Variants in CFAP20DC observed in about 807,000 individuals in gnomAD.
The protein encoded by CFAP20DC is protein CFAP20DC.
A neutral mutation model predicts 101.7 loss-of-function variants in CFAP20DC; 84 were observed. The ratio of observed to expected loss-of-function variants is 0.83; its 90% CI spans 0.69 to 0.99. The LOEUF (loss-of-function observed/expected upper bound fraction) is 0.99, where lower values mean the gene tolerates loss of function less well. Among genes scored for constraint, CFAP20DC ranks in the 50% least tolerant of loss-of-function variants. The probability of loss-of-function intolerance (pLI) is 0.00; values close to 1 mark genes in which losing one functional copy is unlikely to be tolerated. For missense variants in CFAP20DC, 1,007 were observed against 970.3 expected (o/e 1.04, Z -0.50); for synonymous variants, 359 against 351.2 (o/e 1.02, Z -0.25).
intron 4 of CFAP20DC, among the ~76,000 whole-genome samples, chr3:58,969,161 C>T (rs2091788518): frequency 6.6e-6 from 1 of 152,006 alleles, no homozygotes; most frequent in Non-Finnish European, 1.5e-5. Flanking sequence ...CTTTGTTCTT[C>T]TTGCTTAGTA....
At chr3:58,782,380 G>C (rs1408437171) in intron 15 of CFAP20DC, among the ~76,000 whole-genome samples, 1 of 151,976 alleles carries the variant, frequency 6.6e-6, no homozygotes, top group African/African-American at 2.4e-5. Context: ...AACAAGACAA[G>C]GATGCCCACT....
intron 15 of CFAP20DC, among the ~76,000 whole-genome samples, chr3:58,780,440 G>A (rs996739920): frequency 6.6e-6 from 1 of 151,982 alleles, no homozygotes; most frequent in Non-Finnish European, 1.5e-5. Context: ...GCCCACATGT[G>A]TCAGTAATAA....
At chr3:58,918,257 G>C (rs996587669) in intron 5 of CFAP20DC, among the ~76,000 whole-genome samples, 9 of 152,160 alleles carry the variant, frequency 5.9e-5, no homozygotes, top group Non-Finnish European at 8.8e-5. Context: ...CAGTGGGAGA[G>C]GGTGTACGTT....
chr3:58,919,617 T>G (rs567285157), intron 5 of CFAP20DC, among the ~76,000 whole-genome samples: 1 of 152,196 alleles, frequency 6.6e-6, no homozygotes, highest in African/African-American at 2.4e-5. Context: ...AACAAACAAA[T>G]AGTCTTGCAA....
At chr3:58,840,513 T>C (rs1304411160) in intron 13 of CFAP20DC, among the ~76,000 whole-genome samples, 2 of 152,212 alleles carry the variant, frequency 1.3e-5, no homozygotes, top group Admixed American at 1.3e-4. Flanking sequence ...AGGTTATCCC[T>C]GAGAACATGC....
intron 15 of CFAP20DC, among the ~76,000 whole-genome samples, chr3:58,803,690 C>A (rs1451744087): frequency 6.6e-6 from 1 of 152,142 alleles, no homozygotes; most frequent in Admixed American, 6.6e-5. Context: ...AGCCAAGAGC[C>A]AAGTCACATC....
At chr3:58,966,489 T>TATATATATATAC (rs560664262) in intron 4 of CFAP20DC, among the ~76,000 whole-genome samples, 35 of 116,584 alleles carry the variant, frequency 3.0e-4, no homozygotes, top group African/African-American at 8.9e-4. Context: ...TATATATATA[T>TATATATATATAC]ACACATATGT....
At chr3:58,851,918 T>G (rs1300014187) in intron 12 of CFAP20DC, among the ~76,000 whole-genome samples, 1 of 152,176 alleles carries the variant, frequency 6.6e-6, no homozygotes, top group Non-Finnish European at 1.5e-5. Context: ...GGAGAAAGAC[T>G]GTGGGGAAGC....
Position 58,870,259 on chromosome 3 carries a change from C to A in CFAP20DC, c.766G>T (p.Asp256Tyr). Reference protein sequence around the residue: ...TSITRNSKNQDVCHIAFGSKV... With the variant: ...TSITRNSKNQYVCHIAFGSKV... Reference sequence around the variant, plus strand: ...GATCCAAATGCGATATGACAAACATCTTGATTTTTACTGTTCCGTGTAATA... The same window carrying A: ...GATCCAAATGCGATATGACAAACATATTGATTTTTACTGTTCCGTGTAATA... The change falls in exon 8 of 17, where the codon GAT (aspartate) becomes TAT (tyrosine). Residue 256 changes from aspartate to tyrosine, a missense_variant. By Grantham distance (160) the Asp-to-Tyr change is radical. Transcript: ENST00000482387. The A allele has an allele frequency of 1.2e-6, 2 of 1,614,008 alleles. No individual in the cohort carries two copies. Among genetic ancestry groups the A allele is most frequent in the Non-Finnish European group, 1.7e-6 (2 of 1,179,908 alleles).
chr3:58,864,247 G>A lies in CFAP20DC; in HGVS notation c.1259-355C>T, dbSNP rs373795177. Among the ~76,000 whole-genome samples the A allele has an allele frequency of 2.0e-5, 3 of 152,144 alleles. No homozygotes were observed. The highest frequency in any genetic ancestry group is 6.5e-5 in the Admixed American group (1 of 15,276). On this transcript the variant is annotated intron_variant, in intron 11 of 16. Transcript: ENST00000482387. This position sits in a 1 kb window ranked among gnomAD's most constrained non-coding sequence, Gnocchi z 4.7. The stretch of plus-strand genomic sequence containing the variant: ...GCTGGGATTACAGGCATGAGCCACC[G>A]CGCCTGGCCAAAAGTGTTATTTTAG...
intron 15 of CFAP20DC, among the ~76,000 whole-genome samples, chr3:58,769,375 A>G (rs533584363): frequency 6.6e-6 from 1 of 152,318 alleles, no homozygotes; most frequent in East Asian, 1.9e-4. Flanking sequence ...TGGTTACTAC[A>G]GATCAGTCAT....
At chr3:58,881,250 G>A (rs545833853) in intron 7 of CFAP20DC, among the ~76,000 whole-genome samples, 4 of 152,220 alleles carry the variant, frequency 2.6e-5, no homozygotes, top group Admixed American at 6.5e-5. Context: ...GTGGACAGGA[G>A]GGCACTTGGG....
rs1397576581 is a variant in CFAP20DC, at chr3:58,859,447, A to G, written c.1593+4111T>C. 1.3e-5 allele frequency among the ~76,000 whole-genome samples: 2 copies of G among 152,254 alleles called. No individual in the cohort carries two copies. The highest frequency in any genetic ancestry group is 2.9e-5 in the Non-Finnish European group (2 of 68,038). On this transcript the variant is annotated intron_variant, in intron 12 of 16. Transcript: ENST00000482387. This position sits in a 1 kb window ranked among gnomAD's most constrained non-coding sequence, Gnocchi z 4.1. ...GAAAACTATCTACAAGCAAATGCTT[A>G]TCTGCAAGATGTCTATCATTTAGCA...
intron 4 of CFAP20DC, among the ~76,000 whole-genome samples, chr3:58,978,451 C>G (rs2019361): frequency 0.75 from 114,318 of 152,008 alleles, 43,263 homozygotes; most frequent in East Asian, 0.95. Flanking sequence ...GCTCACACCT[C>G]TAATCCCAGC....
intron 13 of CFAP20DC, among the ~76,000 whole-genome samples, chr3:58,834,214 T>A (rs12635007): frequency 0.1 from 15,182 of 152,044 alleles, 1,288 homozygotes; most frequent in East Asian, 0.35. Flanking sequence ...TATTTCAATT[T>A]AAAAAAAGGA....
rs563817096 is a variant in CFAP20DC at position 58,743,281 on chromosome 3, A to C, written c.2333-709T>G. Among the ~76,000 whole-genome samples, 24 of 152,128 alleles carry C rather than the reference A, an allele frequency of 1.6e-4. No individual in the cohort carries two copies. The East Asian group carries it at 4.5e-3, about 28-fold the overall frequency. ...CAAATGGCATGAAATGAAAAAAAAA[A>C]AACAACTGTTCTACAAAGATGTTTC... On this transcript the variant is annotated intron_variant, in intron 16 of 16. Coordinates refer to ENST00000482387, the MANE Select transcript of CFAP20DC (RefSeq NM_001394063.1).
intron 4 of CFAP20DC, among the ~76,000 whole-genome samples, chr3:58,988,856 C>A (rs962503194): frequency 6.6e-6 from 1 of 152,012 alleles, no homozygotes; most frequent in Non-Finnish European, 1.5e-5. Flanking sequence ...AAATGGAAGC[C>A]TGAAGAAAAA....
At chr3:58,808,084 A>C (rs994189197) in intron 14 of CFAP20DC, among the ~76,000 whole-genome samples, 5 of 152,208 alleles carry the variant, frequency 3.3e-5, no homozygotes, top group African/African-American at 9.7e-5. Context: ...AAATCTATGT[A>C]TGATTGGTGT....
intron 3 of CFAP20DC, among the ~76,000 whole-genome samples, chr3:59,043,061 G>A (rs555054169): frequency 6.6e-4 from 101 of 152,296 alleles, no homozygotes; most frequent in African/African-American, 2.3e-3. Flanking sequence ...CTGTCCAAGC[G>A]TAGAAATGTC....
Sources: allele counts gnomAD v4.1 joint callset (sites outside exome capture counted in the v4.1 genomes callset), GRCh38; gene constraint gnomAD v4.1.1; non-coding constraint Gnocchi (gnomAD v3.1); transcripts MANE v1.5; gene names NCBI Gene and HGNC (gene_info 2026-07-23, HGNC 2026-07-21).